The following SPAG16 variants were observed in gnomAD, a reference collection of about 807,000 sequenced individuals.
SPAG16 encodes sperm associated antigen 16.
In SPAG16, 86 loss-of-function variants were observed where a neutral mutation model predicts 80.4. That is an observed-to-expected ratio of 1.07 (90% CI 0.90 to 1.28). SPAG16 has a LOEUF of 1.28. Ranked by LOEUF, SPAG16 falls within the 50% of genes most tolerant of loss-of-function variation. SPAG16 has a pLI of 0.00. For synonymous variants in SPAG16, 294 were observed against 265.9 expected (o/e 1.11, Z -1.03); for missense variants, 870 against 765.3 (o/e 1.14, Z -1.61).
intron 11 of SPAG16, among the ~76,000 whole-genome samples, chr2:213,863,259 C>G (rs1161421772): frequency 6.6e-6 from 1 of 152,166 alleles, no homozygotes; most frequent in Non-Finnish European, 1.5e-5. Flanking sequence ...CATCATACTT[C>G]TTGGATCTGC....
chr2:213,535,280 C>A (rs1218078061), intron 10 of SPAG16, among the ~76,000 whole-genome samples: 4 of 151,888 alleles, frequency 2.6e-5, no homozygotes, highest in Admixed American at 2.6e-4. Flanking sequence ...CTGGAAATAA[C>A]AATGATGATA....
rs539502099 is a variant in SPAG16, at chr2:214,228,307, A to T, written c.1720+79041A>T. On this transcript the variant is annotated intron_variant, in intron 15 of 15. Coordinates refer to ENST00000331683, the MANE Select transcript of SPAG16 (RefSeq NM_024532.5). The stretch of plus-strand genomic sequence containing the variant: ...CATATAATTGAAAAAGTTTTCTCAA[A>T]AGCTTGTTTTCATTTATTTTCATTT... 2.0e-5 allele frequency among the ~76,000 whole-genome samples: 3 copies of T among 151,998 alleles called. No individual in the cohort carries two copies. In the South Asian group the frequency reaches 6.2e-4, roughly 31 times the overall value.
At chr2:214,325,102 T>A (rs1171113742) in intron 15 of SPAG16, among the ~76,000 whole-genome samples, 1 of 152,252 alleles carries the variant, frequency 6.6e-6, no homozygotes, top group East Asian at 1.9e-4. Context: ...ACAATGGTGA[T>A]GTTTGTCATA....
intron 10 of SPAG16, among the ~76,000 whole-genome samples, chr2:213,696,494 C>T (rs1251961596): frequency 6.6e-6 from 1 of 151,970 alleles, no homozygotes; most frequent in African/African-American, 2.4e-5. Flanking sequence ...CTGGCTCACT[C>T]TAATACTTAA....
At chr2:213,822,207 A>G (rs886519422) in intron 10 of SPAG16, among the ~76,000 whole-genome samples, 2 of 152,070 alleles carry the variant, frequency 1.3e-5, no homozygotes, top group African/African-American at 2.4e-5. Context: ...CCTTGCCACC[A>G]TTTGTTATTG....
intron 10 of SPAG16, among the ~76,000 whole-genome samples, chr2:213,755,996 A>G (rs1041675631): frequency 4.6e-5 from 7 of 152,230 alleles, no homozygotes; most frequent in Admixed American, 1.3e-4. Flanking sequence ...CTAATGAAAT[A>G]GTTTAAAAAT....
intron 15 of SPAG16, among the ~76,000 whole-genome samples, chr2:214,282,899 G>A (rs1693061727): frequency 6.6e-6 from 1 of 152,040 alleles, no homozygotes; most frequent in Non-Finnish European, 1.5e-5. Context: ...TTCTAAATAG[G>A]TGGAAGAAGC....
At chr2:214,101,101 T>G (rs563309947) in intron 13 of SPAG16, among the ~76,000 whole-genome samples, 10 of 135,088 alleles carry the variant, frequency 7.4e-5, no homozygotes, top group Middle Eastern at 3.7e-3. Flanking sequence ...TTTAAGAGTT[T>G]TAAAGGTTTT....
intron 15 of SPAG16, among the ~76,000 whole-genome samples, chr2:214,261,736 C>T (rs543245781): frequency 9.9e-5 from 15 of 152,022 alleles, no homozygotes; most frequent in East Asian, 1.9e-4. Context: ...ATATAATAAA[C>T]GAAGTGTAAA....
At chr2:213,927,458 A>T (rs2078535542) in intron 11 of SPAG16, among the ~76,000 whole-genome samples, 1 of 151,774 alleles carries the variant, frequency 6.6e-6, no homozygotes, top group Non-Finnish European at 1.5e-5. Flanking sequence ...AATGGCCTTT[A>T]TTTTTTCATG....
At chr2:213,518,598 G>A (rs1329702890) in intron 10 of SPAG16, among the ~76,000 whole-genome samples, 1 of 152,206 alleles carries the variant, frequency 6.6e-6, no homozygotes. Flanking sequence ...AGATGCTGGT[G>A]AGGCTATGGA....
chr2:214,293,405 A>C (rs370754241), intron 15 of SPAG16, among the ~76,000 whole-genome samples: 2 of 152,156 alleles, frequency 1.3e-5, no homozygotes, highest in Non-Finnish European at 2.9e-5. Flanking sequence ...AGACCCTGGC[A>C]GTAGTGTTCA....
intron 15 of SPAG16, among the ~76,000 whole-genome samples, chr2:214,404,309 G>T (rs1701875690): frequency 1.3e-5 from 2 of 152,164 alleles, no homozygotes; most frequent in South Asian, 4.1e-4. Flanking sequence ...TGCCACACGT[G>T]CATTTTCCTA....
intron 15 of SPAG16, among the ~76,000 whole-genome samples, chr2:214,357,219 T>C (rs1266014290): frequency 1.3e-5 from 2 of 151,966 alleles, no homozygotes; most frequent in South Asian, 4.1e-4. Flanking sequence ...TGAATTTCTT[T>C]ACATTTATTA....
intron 12 of SPAG16, among the ~76,000 whole-genome samples, chr2:214,003,205 T>A (rs1271190253): frequency 6.6e-6 from 1 of 152,202 alleles, no homozygotes; most frequent in Non-Finnish European, 1.5e-5. Context: ...TAAAAATGTT[T>A]CTAATCCACA....
At chr2:213,786,849 G>C (rs1166011167) in intron 10 of SPAG16, among the ~76,000 whole-genome samples, 1 of 151,942 alleles carries the variant, frequency 6.6e-6, no homozygotes, top group Non-Finnish European at 1.5e-5. Context: ...TAAAAACTGG[G>C]AATAATACAA....
intron 9 of SPAG16, among the ~76,000 whole-genome samples, chr2:213,409,949 C>T (rs1575517792): frequency 3.3e-5 from 5 of 151,976 alleles, no homozygotes; most frequent in East Asian, 3.9e-4. Context: ...AGGTACCATC[C>T]CTAGAATTTC....
At chr2:214,190,892 G>A (rs988566171) in intron 15 of SPAG16, among the ~76,000 whole-genome samples, 3 of 152,122 alleles carry the variant, frequency 2.0e-5, no homozygotes, top group Non-Finnish European at 4.4e-5. Context: ...CAGCTAATTG[G>A]CGTATGGTAC....
intron 2 of SPAG16, among the ~76,000 whole-genome samples, 171 bp downstream of exon 2, chr2:213,296,281 C>T (rs1368095518): frequency 6.6e-6 from 1 of 152,124 alleles, no homozygotes; most frequent in African/African-American, 2.4e-5. Flanking sequence ...TGTGAAAATT[C>T]TGTTTAAACA....
Sources: gnomAD v4.1 joint callset for allele counts (sites outside exome capture counted in the v4.1 genomes callset) on GRCh38, gnomAD v4.1.1 for gene constraint, MANE v1.5 for transcripts, NCBI Gene and HGNC (gene_info 2026-07-23, HGNC 2026-07-21) for gene names.